KCNH8: variants seen among roughly 807,000 people sequenced by gnomAD.
The protein encoded by KCNH8 is potassium voltage-gated channel subfamily H member 8, also known as voltage-gated delayed rectifier potassium channel KCNH8.
In KCNH8, 70 loss-of-function variants were observed where a neutral mutation model predicts 103.6. That is an observed-to-expected ratio of 0.68 (90% CI 0.56 to 0.82). The LOEUF (loss-of-function observed/expected upper bound fraction) is 0.82, where lower values mean the gene tolerates loss of function less well. KCNH8 is among the 40% of genes least tolerant of loss of function. The pLI, the probability that KCNH8 is intolerant of heterozygous loss-of-function variation, is 0.00. For synonymous variants in KCNH8, 498 were observed against 489.4 expected (o/e 1.02, Z -0.23); for missense variants, 1,217 against 1,329.9 (o/e 0.92, Z 1.32).
chr3:19,471,240 G>A (rs754486620), intron 11 of KCNH8, among the ~76,000 whole-genome samples: 3 of 152,184 alleles, frequency 2.0e-5, no homozygotes, highest in Non-Finnish European at 1.5e-5. Context: ...TGTTAAATTT[G>A]CATATGCACA....
intron 11 of KCNH8, among the ~76,000 whole-genome samples, chr3:19,466,987 T>C (rs2125197878): frequency 6.6e-6 from 1 of 152,280 alleles, no homozygotes; most frequent in South Asian, 2.1e-4. Flanking sequence ...TTAAGATATG[T>C]ATGTTGTTTT....
At chr3:19,354,622 C>T (rs1157758735) in intron 5 of KCNH8, among the ~76,000 whole-genome samples, 1 of 152,078 alleles carries the variant, frequency 6.6e-6, no homozygotes, top group Admixed American at 6.6e-5. Flanking sequence ...GAAAAACAAG[C>T]AATGGGGAAA....
chr3:19,328,102 A>G (rs1296019197), intron 3 of KCNH8, among the ~76,000 whole-genome samples: 1 of 152,114 alleles, frequency 6.6e-6, no homozygotes, highest in African/African-American at 2.4e-5. Context: ...CACTGTTTAT[A>G]ACAAACATAT....
chr3:19,250,034 G>A (rs147379226), intron 1 of KCNH8, among the ~76,000 whole-genome samples: 1,525 of 152,206 alleles, frequency 0.01, 27 homozygotes, highest in African/African-American at 0.035. Flanking sequence ...CAGGATTCAA[G>A]ACCAGGCTAC....
At chr3:19,501,339 C>G (rs546906634) in intron 11 of KCNH8, among the ~76,000 whole-genome samples, 1 of 152,256 alleles carries the variant, frequency 6.6e-6, no homozygotes, top group South Asian at 2.1e-4. Context: ...CCGAATTCTA[C>G]CAGAGGTGCA....
chr3:19,264,379 A>G (rs1460133799), intron 2 of KCNH8, among the ~76,000 whole-genome samples: 2 of 152,050 alleles, frequency 1.3e-5, no homozygotes, highest in African/African-American at 4.8e-5. Context: ...CTTTTCGTCT[A>G]TCTGAACAAG....
intron 1 of KCNH8, among the ~76,000 whole-genome samples, chr3:19,238,695 G>A (rs973787544): frequency 1.3e-5 from 2 of 152,116 alleles, no homozygotes; most frequent in African/African-American, 4.8e-5. Context: ...AAAAAATAAA[G>A]CTTACTGTGA....
intron 7 of KCNH8, among the ~76,000 whole-genome samples, chr3:19,413,805 C>G (rs1318977642): frequency 6.6e-6 from 1 of 151,966 alleles, no homozygotes; most frequent in Non-Finnish European, 1.5e-5. Context: ...GTTTTAAAAA[C>G]AAAAGAGTTC....
intron 7 of KCNH8, among the ~76,000 whole-genome samples, chr3:19,414,368 A>G (rs1184215235): frequency 1.3e-5 from 2 of 152,120 alleles, no homozygotes; most frequent in Non-Finnish European, 2.9e-5. Context: ...TAAAATAGAA[A>G]ACATACAAAT....
intron 1 of KCNH8, among the ~76,000 whole-genome samples, chr3:19,158,676 C>A (rs1575402580): frequency 6.6e-6 from 1 of 151,806 alleles, no homozygotes; most frequent in East Asian, 1.9e-4. Flanking sequence ...AGAAAGTTTT[C>A]TTTCACTGTT....
At chr3:19,259,020 G>A (rs1286040852) in intron 2 of KCNH8, among the ~76,000 whole-genome samples, 1 of 122,998 alleles carries the variant, frequency 8.1e-6, no homozygotes, top group Admixed American at 9.3e-5. Context: ...GTTTTGTTAT[G>A]ATGATTTTTA....
At chr3:19,527,385 G>A (rs1013260406) in intron 15 of KCNH8, among the ~76,000 whole-genome samples, 3 of 152,040 alleles carry the variant, frequency 2.0e-5, no homozygotes, top group Admixed American at 2.0e-4. Context: ...ACCAAGCTTA[G>A]TGCCTGTGTC....
intron 11 of KCNH8, among the ~76,000 whole-genome samples, chr3:19,472,227 TG>T: frequency 1.3e-5 from 2 of 150,284 alleles, no homozygotes; most frequent in African/African-American, 5.0e-5. Flanking sequence ...TGTGTGTGTG[TG>T]TGTGTGTGTG....
intron 5 of KCNH8, among the ~76,000 whole-genome samples, chr3:19,375,260 G>T (rs2066174558): frequency 6.6e-6 from 1 of 151,360 alleles, no homozygotes; most frequent in African/African-American, 2.4e-5. Context: ...ACGTAGATTT[G>T]GTCTTTTCAC....
chr3:19,292,518 A>C (rs2064942338), intron 3 of KCNH8, among the ~76,000 whole-genome samples: 1 of 152,208 alleles, frequency 6.6e-6, no homozygotes. Context: ...CTAAACAATT[A>C]TATGTGCATT....
At chr3:19,300,695 C>A (rs1484345315) in intron 3 of KCNH8, among the ~76,000 whole-genome samples, 2 of 151,940 alleles carry the variant, frequency 1.3e-5, no homozygotes, top group Admixed American at 1.3e-4. Flanking sequence ...TTATGAGAGT[C>A]CTGGGGAAAC....
intron 1 of KCNH8, among the ~76,000 whole-genome samples, chr3:19,229,332 A>T (rs2125236970): frequency 6.6e-6 from 1 of 152,334 alleles, no homozygotes; most frequent in Non-Finnish European, 1.5e-5. Flanking sequence ...GTTCTCCATG[A>T]GTGCCCTACC....
At chr3:19,224,348 C>A (rs1280587662) in intron 1 of KCNH8, among the ~76,000 whole-genome samples, 1 of 151,890 alleles carries the variant, frequency 6.6e-6, no homozygotes, top group African/African-American at 2.4e-5. Flanking sequence ...TGCCATGAAG[C>A]CTGTGGGAAA....
At chr3:19,245,050 G>T (rs148123880) in intron 1 of KCNH8, among the ~76,000 whole-genome samples, 1 of 152,218 alleles carries the variant, frequency 6.6e-6, no homozygotes, top group African/African-American at 2.4e-5. Flanking sequence ...TATTGAGAAG[G>T]CTATTCCCTA....
Sources: allele counts gnomAD v4.1 joint callset (sites outside exome capture counted in the v4.1 genomes callset), GRCh38; gene constraint gnomAD v4.1.1; transcripts MANE v1.5; gene names NCBI Gene and HGNC (gene_info 2026-07-23, HGNC 2026-07-21).